Variants in EPHA8 observed in about 807,000 individuals in gnomAD.
EPHA8 encodes the protein EPH receptor A8.
Under a neutral mutation model 103.6 loss-of-function variants are expected in EPHA8, and 58 were observed. That is an observed-to-expected ratio of 0.56 (90% CI 0.45 to 0.70). The LOEUF is 0.70. Among genes scored for constraint, EPHA8 ranks in the 30% least tolerant of loss-of-function variants. The pLI is 0.00. For missense variants in EPHA8, 1,304 were observed against 1,395.2 expected, an observed-to-expected ratio of 0.93 and a Z score of 1.04; for synonymous variants, 559 against 572.5, an observed-to-expected ratio of 0.98 and a Z score of 0.34.
chr1:22,591,389 T>TGGGG, intron 5 of EPHA8, among the ~76,000 whole-genome samples: 1 of 84,292 alleles, frequency 1.2e-5, no homozygotes, highest in East Asian at 2.8e-4. Flanking sequence ...TGCCCAGTGA[T>TGGGG]TTTTTTTTTT....
chr1:22,601,664 C>A lies in EPHA8; in HGVS notation c.2941C>A (p.Gln981Lys). The A allele has an allele frequency of 6.3e-7, 1 of 1,595,518 alleles. No homozygotes were observed. The highest frequency in any genetic ancestry group is 1.3e-5 in the African/African-American group (1 of 74,422). ...RALGITLMGH[Q>K]KKILGSIQTM... ...CCTGGGCATCACCCTCATGGGCCAC[C>A]AGAAGAAGATCCTGGGCAGCATTCA... The change falls in exon 17 of 17, where the codon CAG becomes AAG. Residue 981 changes from glutamine (Q) to lysine (K), a missense_variant. Gln to Lys is a moderately conservative substitution (Grantham distance 53). Coordinates refer to ENST00000166244, the MANE Select transcript of EPHA8 (RefSeq NM_020526.5).
At chr1:22,578,911 ATGCATGTGCGTTTATGTG>A (rs1557561916) in intron 3 of EPHA8, among the ~76,000 whole-genome samples, 1 of 143,664 alleles carries the variant, frequency 7.0e-6, no homozygotes, top group African/African-American at 2.7e-5. Flanking sequence ...ATGTGTATGT[ATGCATGTGCGTTTATGTG>A]TGCATGTGTG....
chr1:22,586,740 A>T, intron 4 of EPHA8, 105 bp downstream of exon 4: 298 of 1,340,466 alleles, frequency 2.2e-4, no homozygotes, highest in African/African-American at 4.9e-4. Flanking sequence ...CTGGTGGGGC[A>T]GGGGCGGGTG....
Position 22,595,107 on chromosome 1 carries a change from C to G in EPHA8, c.1604-123C>G, listed in dbSNP as rs1481263417. The G allele has an allele frequency of 5.8e-6, 4 of 688,914 alleles. No individual in the cohort carries two copies. The African/African-American group carries it at 7.3e-5, about 13-fold the overall frequency. The allele number at this position is 688,914 out of a possible 1,614,324, so 42.7% of individuals were successfully genotyped here. A position where few individuals can be genotyped will look rare whatever the true frequency, so the allele number is the denominator to read the frequency against. ...CCTGCGCCCTGACTCTGGGCTGGCT[C>G]ATGGCTCTGGGCTCCCCACTGGCCC... On this transcript the variant is annotated intron_variant, in intron 7 of 16. Transcript: ENST00000166244.
intron 7 of EPHA8, 51 bp downstream of exon 7, chr1:22,593,737 C>T: frequency 1.3e-6 from 2 of 1,482,176 alleles, no homozygotes; most frequent in South Asian, 2.7e-5. Flanking sequence ...TGCCAGGACC[C>T]TGGGGTCGGG....
intron 3 of EPHA8, among the ~76,000 whole-genome samples, chr1:22,578,923 T>G (rs10917257): frequency 0.31 from 44,575 of 142,992 alleles, 7,785 homozygotes; most frequent in African/African-American, 0.52. Flanking sequence ...GCATGTGCGT[T>G]TATGTGTGCA....
Position 22,600,735 on chromosome 1 carries a change from G to C in EPHA8, c.2463G>C (p.Val821=). 6.2e-7 allele frequency: 1 copy of C among 1,613,590 alleles called. No homozygotes were observed. The highest frequency in any genetic ancestry group is 8.5e-7 in the Non-Finnish European group (1 of 1,179,792). ...GCACCTTCTCCTCGGCCAGCGACGT[G>C]TGGAGCTTCGGCGTGGTCATGTGGG... is the stretch of plus-strand genomic sequence containing the variant. ...AFRTFSSASD[V]WSFGVVMWEV... is the part of the protein sequence containing the mutation. The change falls in exon 14 of 17, where the codon GTG becomes GTC. Residue 821 remains valine, a synonymous_variant. Transcript: ENST00000166244.
intron 1 of EPHA8, among the ~76,000 whole-genome samples, chr1:22,566,640 G>C (rs530437672): frequency 6.6e-6 from 1 of 152,344 alleles, no homozygotes; most frequent in African/African-American, 2.4e-5. Context: ...GGTAAGCGGG[G>C]AGATGGGCCC....
At chr1:22,573,330 C>A (rs1278606160) in intron 2 of EPHA8, among the ~76,000 whole-genome samples, 2 of 152,218 alleles carry the variant, frequency 1.3e-5, no homozygotes, top group African/African-American at 4.8e-5. Flanking sequence ...CTGAGCTAAG[C>A]ACTTTGCAGA....
intron 3 of EPHA8, among the ~76,000 whole-genome samples, chr1:22,581,719 G>A (rs1187806501): frequency 6.6e-6 from 1 of 152,200 alleles, no homozygotes; most frequent in Admixed American, 6.5e-5. Context: ...TTAGGGAATT[G>A]CAGCATATTT....
intron 3 of EPHA8, among the ~76,000 whole-genome samples, chr1:22,577,672 G>A (rs921354750): frequency 6.6e-6 from 1 of 152,140 alleles, no homozygotes; most frequent in Non-Finnish European, 1.5e-5. Flanking sequence ...CATGACTTAG[G>A]GTGGCAGCTG....
rs1303526706 is a variant in EPHA8, at chr1:22,589,500, G to A, written c.1315+294G>A. Reference sequence around the variant, plus strand: ...TCTGTGCCTCAGTTTCCTCCCTGGTGCAATGGGAATAATAGTACCTGCCTG... The same window carrying A: ...TCTGTGCCTCAGTTTCCTCCCTGGTACAATGGGAATAATAGTACCTGCCTG... On this transcript the variant is annotated intron_variant, in intron 5 of 16. Coordinates refer to ENST00000166244, the MANE Select transcript of EPHA8 (RefSeq NM_020526.5). The surrounding 1 kb of genome is among the most constrained non-coding windows in gnomAD (Gnocchi z 4.3). 1.4e-6 allele frequency: 2 copies of A among 1,441,782 alleles called. No individual in the cohort carries two copies. The highest frequency in any genetic ancestry group is 1.4e-5 in the African/African-American group (1 of 70,416). 89.3% of individuals were successfully genotyped at this position (1,441,782 alleles called of 1,614,324 possible). A position where few individuals can be genotyped will look rare whatever the true frequency, so the allele number is the denominator to read the frequency against.
chr1:22,576,310 C>G lies in EPHA8; in HGVS notation c.253C>G (p.Arg85Gly). ...GAGCCCCAACCAGAACAACTGGCTG[C>G]GCACGAGCTGGGTCCCCCGAGACGG... ...VMSPNQNNWL[R>G]TSWVPRDGAR... The change falls in exon 3 of 17, where the codon CGC becomes GGC. Residue 85 changes from arginine to glycine, a missense_variant. Arg to Gly is a moderately radical substitution (Grantham distance 125). Transcript: ENST00000166244. The surrounding 1 kb of genome is among the most constrained non-coding windows in gnomAD (Gnocchi z 4.8). The G allele has an allele frequency of 6.2e-7, 1 of 1,613,900 alleles. No individual in the cohort carries two copies. The highest frequency in any genetic ancestry group is 8.5e-7 in the Non-Finnish European group (1 of 1,180,034).
chr1:22,585,649 C>A (rs921991794), intron 3 of EPHA8, among the ~76,000 whole-genome samples: 27 of 152,214 alleles, frequency 1.8e-4, no homozygotes, highest in African/African-American at 6.3e-4. Context: ...ATCACGCAGG[C>A]AGCTGGGTGG....
chr1:22,593,709 G>C (rs747559469), intron 7 of EPHA8, 23 bp downstream of exon 7: 12 of 1,552,840 alleles, frequency 7.7e-6, no homozygotes, highest in Non-Finnish European at 8.7e-7. Flanking sequence ...AGGGGGCGTG[G>C]GCGCGGAGCA....
rs1351212083 is a variant in EPHA8, at chr1:22,589,804, C to T, written c.1315+598C>T. 1.3e-5 allele frequency among the ~76,000 whole-genome samples: 2 copies of T among 152,106 alleles called. No individual in the cohort carries two copies. The highest frequency in any genetic ancestry group is 4.8e-5 in the African/African-American group (2 of 41,406). On this transcript the variant is annotated intron_variant, in intron 5 of 16. Transcript: ENST00000166244. This position sits in a 1 kb window ranked among gnomAD's most constrained non-coding sequence, Gnocchi z 4.3. ...CCCTGCCCGTCAAGTGACAGCGTGA[C>T]CCAAGAGCCCTCCTAGGGCAGCTTC... is the stretch of plus-strand genomic sequence containing the variant.
At chr1:22,577,120 C>T (rs72875426) in intron 3 of EPHA8, among the ~76,000 whole-genome samples, 1,991 of 152,194 alleles carry the variant, frequency 0.013, 36 homozygotes, top group African/African-American at 0.041. Flanking sequence ...GGAAACAGAC[C>T]CCAGCGAGGC....
intron 2 of EPHA8, among the ~76,000 whole-genome samples, chr1:22,573,389 G>T (rs1282368132): frequency 6.6e-6 from 1 of 152,196 alleles, no homozygotes; most frequent in Non-Finnish European, 1.5e-5. Context: ...GGGCCTGTTT[G>T]AGTCCCATTT....
intron 4 of EPHA8, among the ~76,000 whole-genome samples, chr1:22,587,117 G>A (rs1037117503): frequency 6.6e-6 from 1 of 152,238 alleles, no homozygotes; most frequent in Non-Finnish European, 1.5e-5. Context: ...CATGGAGTTC[G>A]AATATCTGAT....
Sources: allele counts gnomAD v4.1 joint callset (sites outside exome capture counted in the v4.1 genomes callset), GRCh38; gene constraint gnomAD v4.1.1; non-coding constraint Gnocchi (gnomAD v3.1); transcripts MANE v1.5; gene names NCBI Gene and HGNC (gene_info 2026-07-23, HGNC 2026-07-21).